Variants in KLHL3 observed in about 807,000 individuals in gnomAD.
KLHL3 encodes the protein kelch-like protein 3.
KLHL3 carries 19 observed loss-of-function variants against 70.5 expected under a neutral mutation model. The observed-to-expected ratio is 0.27, with a 90% CI of 0.19 to 0.40. KLHL3 has a LOEUF of 0.40. KLHL3 is among the 10% of genes least tolerant of loss of function. The pLI is 1.00. For synonymous variants in KLHL3, 258 were observed against 290.3 expected (o/e 0.89, Z 1.13); for missense variants, 512 against 771.1 (o/e 0.66, Z 3.98).
intron 3 of KLHL3, chr5:137,707,611 T>C (rs919620628): frequency 6.5e-6 from 1 of 154,414 alleles, no homozygotes; most frequent in Non-Finnish European, 1.5e-5. Context: ...GGTTTTTACC[T>C]GTAATAAACA....
chr5:137,670,928 G>A (rs533621663), intron 6 of KLHL3, among the ~76,000 whole-genome samples: 14 of 149,940 alleles, frequency 9.3e-5, no homozygotes, highest in African/African-American at 1.2e-4. Flanking sequence ...AGCCGAGATC[G>A]TGCCACTGCA....
At chr5:137,631,069 C>CAAAAAAAAA (rs70979549) in intron 12 of KLHL3, among the ~76,000 whole-genome samples, 119 of 105,476 alleles carry the variant, frequency 1.1e-3, no homozygotes, top group Middle Eastern at 5.3e-3. Context: ...TCCAAAAATA[C>CAAAAAAAAA]AAAAAAAAAA....
intron 10 of KLHL3, among the ~76,000 whole-genome samples, chr5:137,638,718 A>G (rs1391789445): frequency 6.6e-6 from 1 of 152,216 alleles, no homozygotes; most frequent in Non-Finnish European, 1.5e-5. Flanking sequence ...ACTGGAAAGT[A>G]GGAAAGGGAC....
At chr5:137,636,147 G>T (rs1204415730) in intron 11 of KLHL3, among the ~76,000 whole-genome samples, 1 of 152,118 alleles carries the variant, frequency 6.6e-6, no homozygotes, top group East Asian at 1.9e-4. Context: ...CAAAATCCTT[G>T]CCCTCACATA....
chr5:137,686,328 C>A (rs1752161006), intron 5 of KLHL3, among the ~76,000 whole-genome samples: 1 of 152,230 alleles, frequency 6.6e-6, no homozygotes, highest in African/African-American at 2.4e-5. Context: ...GGAGGCTCCA[C>A]AGCACAGCGC....
chr5:137,680,722 T>A (rs1165474603), intron 5 of KLHL3, among the ~76,000 whole-genome samples: 1 of 152,098 alleles, frequency 6.6e-6, no homozygotes, highest in Non-Finnish European at 1.5e-5. Context: ...TTTTGTATTT[T>A]TAGTAGAGAC....
intron 2 of KLHL3, among the ~76,000 whole-genome samples, chr5:137,718,073 T>C (rs145590564): frequency 1.3e-5 from 2 of 152,252 alleles, no homozygotes; most frequent in South Asian, 2.1e-4. Context: ...TATGCCAGTA[T>C]GCATTATGAA....
Position 137,628,412 on chromosome 5 carries a change from C to G in KLHL3, c.1476G>C (p.Leu492=), listed in dbSNP as rs1371276483. 2 of 1,614,212 alleles carry G rather than the reference C, an allele frequency of 1.2e-6. No individual in the cohort carries two copies. Among genetic ancestry groups the G allele is most frequent in the South Asian group, 1.1e-5 (1 of 91,088 alleles). Residue 492 remains leucine, a synonymous_variant, in exon 13 of 15, where the codon CTG becomes CTC. Coordinates refer to ENST00000309755, the MANE Select transcript of KLHL3 (RefSeq NM_017415.3). ...GAGVGVLSGQ[L]YATGGHDGPL... is the part of the protein sequence containing the mutation. The stretch of plus-strand genomic sequence containing the variant: ...GCCCATCATGCCCACCTGTGGCGTA[C>G]AGCTGTCCGCTAAGCACTCCAACCC...
At position 137,625,904 on chromosome 5, in the gene KLHL3, T is replaced by C; in HGVS notation, c.1592-8A>G. ...CATTTACTGCACAGACCCCTGTGAG[T>C]CAAACAAAAGCCATGGGAGACATCA... On this transcript the variant is annotated splice_polypyrimidine_tract_variant and splice_region_variant and intron_variant, in intron 13 of 14. Transcript: ENST00000309755. 15 of 1,613,776 alleles carry C rather than the reference T, an allele frequency of 9.3e-6. No individual in the cohort carries two copies. Among genetic ancestry groups the C allele is most frequent in the Non-Finnish European group, 1.2e-5 (14 of 1,179,938 alleles).
chr5:137,648,366 G>A (rs552597780), intron 8 of KLHL3, among the ~76,000 whole-genome samples: 2 of 152,348 alleles, frequency 1.3e-5, no homozygotes, highest in South Asian at 4.1e-4. Flanking sequence ...CCCAAATGGC[G>A]TTTCAGTAGC....
chr5:137,631,279 G>T (rs886378055), intron 12 of KLHL3, among the ~76,000 whole-genome samples: 1 of 152,174 alleles, frequency 6.6e-6, no homozygotes, highest in Non-Finnish European at 1.5e-5. Context: ...TAAGACAATG[G>T]ATGGGAAGAC....
intron 8 of KLHL3, among the ~76,000 whole-genome samples, chr5:137,642,867 T>TAA (rs752445553): frequency 7.2e-6 from 1 of 139,406 alleles, no homozygotes; most frequent in Non-Finnish European, 1.6e-5. Context: ...TTTTGTAAAT[T>TAA]AAAAAAAAAA....
chr5:137,689,196 G>T (rs1166634499), intron 5 of KLHL3, among the ~76,000 whole-genome samples: 1 of 152,214 alleles, frequency 6.6e-6, no homozygotes, highest in Non-Finnish European at 1.5e-5. Flanking sequence ...TGCTGGCAAG[G>T]TTGCAGAGAA....
At chr5:137,636,510 C>A (rs776260002) in intron 11 of KLHL3, among the ~76,000 whole-genome samples, 17 of 152,200 alleles carry the variant, frequency 1.1e-4, no homozygotes, top group Non-Finnish European at 2.2e-4. Context: ...GAACTCCTAC[C>A]TACTGGCATT....
At chr5:137,693,941 A>C (rs1476673581) in intron 4 of KLHL3, among the ~76,000 whole-genome samples, 1 of 150,308 alleles carries the variant, frequency 6.7e-6, no homozygotes, top group Admixed American at 6.6e-5. Context: ...GACTCTCATC[A>C]CTTTTATGTA....
chr5:137,650,665 C>CA (rs1347048246), intron 8 of KLHL3, among the ~76,000 whole-genome samples: 1 of 151,764 alleles, frequency 6.6e-6, no homozygotes, highest in African/African-American at 2.4e-5. Context: ...ACTAAAAATA[C>CA]AAAAAACGTA....
At chr5:137,709,921 G>A (rs1406007837) in intron 2 of KLHL3, 65 bp from the exon 3 acceptor site, 2 of 1,318,476 alleles carry the variant, frequency 1.5e-6, no homozygotes, top group Non-Finnish European at 2.2e-6. Flanking sequence ...ATCTTACAAG[G>A]GTATTTTTTT....
intron 14 of KLHL3, among the ~76,000 whole-genome samples, chr5:137,623,844 C>G (rs1295903819): frequency 6.6e-6 from 1 of 152,178 alleles, no homozygotes; most frequent in Non-Finnish European, 1.5e-5. Context: ...GATAGAATAC[C>G]TGGCCCGGAG....
At chr5:137,678,119 T>C (rs1751931721) in intron 5 of KLHL3, among the ~76,000 whole-genome samples, 1 of 152,114 alleles carries the variant, frequency 6.6e-6, no homozygotes. Flanking sequence ...GAAGTCAACA[T>C]TAGAAGGTCA....
Sources: allele counts gnomAD v4.1 joint callset (sites outside exome capture counted in the v4.1 genomes callset), GRCh38; gene constraint gnomAD v4.1.1; transcripts MANE v1.5; gene names NCBI Gene and HGNC (gene_info 2026-07-23, HGNC 2026-07-21).